DLG2: variants seen among roughly 807,000 people sequenced by gnomAD.
DLG2 encodes the protein discs large MAGUK scaffold protein 2, also known as disks large homolog 2.
Under a neutral mutation model 132.5 loss-of-function variants are expected in DLG2, and 45 were observed. The observed-to-expected ratio is 0.34, with a 90% CI of 0.27 to 0.44. DLG2 has a LOEUF of 0.44. Among genes scored for constraint, DLG2 ranks in the 20% least tolerant of loss-of-function variants. The probability of loss-of-function intolerance (pLI) is 1.00; values close to 1 mark genes in which losing one functional copy is unlikely to be tolerated. For missense variants in DLG2, 1,045 were observed against 1,196.9 expected, an observed-to-expected ratio of 0.87 and a Z score of 1.87; for synonymous variants, 424 against 419.6, an observed-to-expected ratio of 1.01 and a Z score of -0.13.
chr11:84,172,443 T>C (rs2095846104), intron 8 of DLG2, among the ~76,000 whole-genome samples: 2 of 152,202 alleles, frequency 1.3e-5, no homozygotes, highest in South Asian at 4.1e-4. Context: ...TACAAAAACT[T>C]CCGAGCTCAG....
At chr11:85,452,561 C>G (rs1276015183) in intron 3 of DLG2, 3 of 202,230 alleles carry the variant, frequency 1.5e-5, no homozygotes, top group African/African-American at 7.0e-5. Context: ...CCTCCAACAC[C>G]ATAACTAGAA....
At chr11:85,550,087 T>C (rs1308640190) in intron 3 of DLG2, among the ~76,000 whole-genome samples, 3 of 152,246 alleles carry the variant, frequency 2.0e-5, no homozygotes, top group Non-Finnish European at 2.9e-5. Context: ...TTCATATTAC[T>C]CTATGGATTT....
At chr11:84,871,601 A>G (rs967585411) in intron 6 of DLG2, among the ~76,000 whole-genome samples, 1 of 152,208 alleles carries the variant, frequency 6.6e-6, no homozygotes, top group East Asian at 1.9e-4. Flanking sequence ...TTAATCTGCA[A>G]AAAAGCAAGC....
chr11:84,904,442 T>C (rs569832840), intron 6 of DLG2, among the ~76,000 whole-genome samples: 1 of 152,302 alleles, frequency 6.6e-6, no homozygotes, highest in East Asian at 1.9e-4. Flanking sequence ...TGATATGGCC[T>C]CCGTTTACTT....
chr11:84,685,922 C>G (rs909374420), intron 6 of DLG2, among the ~76,000 whole-genome samples: 4 of 152,130 alleles, frequency 2.6e-5, no homozygotes, highest in Non-Finnish European at 4.4e-5. Flanking sequence ...CTCTTGACCT[C>G]GTGATCCGCC....
chr11:85,448,930 C>A (rs990135203), intron 3 of DLG2, among the ~76,000 whole-genome samples: 1 of 152,138 alleles, frequency 6.6e-6, no homozygotes, highest in African/African-American at 2.4e-5. Flanking sequence ...TCTCCCTCCT[C>A]CTCTTCCTTC....
At chr11:85,292,492 G>A (rs996159976) in intron 3 of DLG2, among the ~76,000 whole-genome samples, 2 of 151,462 alleles carry the variant, frequency 1.3e-5, no homozygotes, top group East Asian at 1.9e-4. Flanking sequence ...AAGGACTAAC[G>A]CAAAATGGAA....
chr11:83,670,590 A>C (rs2076670003), intron 18 of DLG2, among the ~76,000 whole-genome samples: 1 of 152,022 alleles, frequency 6.6e-6, no homozygotes, highest in South Asian at 2.1e-4. Flanking sequence ...GTGTTGTCAT[A>C]GATGAAGACA....
intron 19 of DLG2, among the ~76,000 whole-genome samples, chr11:83,625,059 ATAAC>A (rs1433707199): frequency 6.6e-6 from 1 of 152,214 alleles, no homozygotes; most frequent in Non-Finnish European, 1.5e-5. Flanking sequence ...TTCTAAGTGA[ATAAC>A]TAATGATCTT....
intron 15 of DLG2, among the ~76,000 whole-genome samples, chr11:83,882,138 G>A (rs1018032638): frequency 1.3e-5 from 2 of 152,062 alleles, no homozygotes; most frequent in Admixed American, 6.6e-5. Context: ...CAGGTTTCTG[G>A]CCTTACAAGT....
At chr11:83,652,465 G>A (rs1591758149) in intron 18 of DLG2, among the ~76,000 whole-genome samples, 3 of 152,138 alleles carry the variant, frequency 2.0e-5, no homozygotes, top group Non-Finnish European at 4.4e-5. Context: ...CCGCCTCCTG[G>A]GTTCAAGCGT....
At chr11:83,936,799 T>C (rs1244708069) in intron 14 of DLG2, among the ~76,000 whole-genome samples, 1 of 152,240 alleles carries the variant, frequency 6.6e-6, no homozygotes, top group African/African-American at 2.4e-5. Context: ...TGAATATTAA[T>C]GACCTTGACA....
At chr11:84,179,132 T>C (rs1361580749) in intron 8 of DLG2, among the ~76,000 whole-genome samples, 1 of 151,958 alleles carries the variant, frequency 6.6e-6, no homozygotes, top group African/African-American at 2.4e-5. Context: ...CAATGACACA[T>C]CAAATTGAAA....
At chr11:84,639,234 T>C (rs1190033007) in intron 6 of DLG2, among the ~76,000 whole-genome samples, 1 of 152,196 alleles carries the variant, frequency 6.6e-6, no homozygotes, top group Non-Finnish European at 1.5e-5. Context: ...CTGAGTGTTA[T>C]TTTTTGAAAT....
At chr11:83,475,893 G>T (rs1307527162) in intron 22 of DLG2, among the ~76,000 whole-genome samples, 1 of 151,940 alleles carries the variant, frequency 6.6e-6, no homozygotes, top group Non-Finnish European at 1.5e-5. Flanking sequence ...TTTTGTTTTG[G>T]CAACTGTATG....
chr11:84,040,248 G>T (rs1034160280), intron 11 of DLG2, among the ~76,000 whole-genome samples: 1 of 151,802 alleles, frequency 6.6e-6, no homozygotes, highest in African/African-American at 2.4e-5. Context: ...GTCAATTTTG[G>T]CTTTTGTTGC....
intron 6 of DLG2, among the ~76,000 whole-genome samples, chr11:85,026,543 A>T (rs2060526714): frequency 6.6e-6 from 1 of 152,312 alleles, no homozygotes; most frequent in East Asian, 1.9e-4. Flanking sequence ...ATTTAAAATA[A>T]GCATATTCTT....
At chr11:83,730,734 T>A (rs531904291) in intron 18 of DLG2, among the ~76,000 whole-genome samples, 1 of 152,356 alleles carries the variant, frequency 6.6e-6, no homozygotes, top group Admixed American at 6.5e-5. Flanking sequence ...TTTTCCTTCA[T>A]CTTGTCACTT....
intron 7 of DLG2, among the ~76,000 whole-genome samples, chr11:84,332,622 G>A (rs1438490700): frequency 6.7e-6 from 1 of 149,342 alleles, no homozygotes; most frequent in Non-Finnish European, 1.5e-5. Flanking sequence ...GGGATTAAAG[G>A]CGTGAGCCAC....
Sources: gnomAD v4.1 joint callset for allele counts (sites outside exome capture counted in the v4.1 genomes callset) on GRCh38, gnomAD v4.1.1 for gene constraint, MANE v1.5 for transcripts, NCBI Gene and HGNC (gene_info 2026-07-23, HGNC 2026-07-21) for gene names.